The following GABRA3 variants were observed in gnomAD, a reference collection of about 807,000 sequenced individuals.
GABRA3 encodes the protein gamma-aminobutyric acid type A receptor subunit alpha3.
GABRA3 carries 10 observed loss-of-function variants against 30.1 expected under a neutral mutation model. That is an observed-to-expected ratio of 0.33 (90% CI 0.20 to 0.56). The LOEUF (loss-of-function observed/expected upper bound fraction) is 0.56, where lower values mean the gene tolerates loss of function less well. GABRA3 is among the 20% of genes least tolerant of loss of function. The pLI is 0.89. For missense variants in GABRA3, 233 were observed against 392.0 expected, an observed-to-expected ratio of 0.59 and a Z score of 3.42; for synonymous variants, 151 against 146.8, an observed-to-expected ratio of 1.03 and a Z score of -0.21.
At chrX:152,380,933 A>G (rs1929126202) in intron 1 of GABRA3, among the ~76,000 whole-genome samples, 1 of 111,827 alleles carries the variant, frequency 8.9e-6, no homozygotes, top group Admixed American at 9.5e-5. Flanking sequence ...CAGATCCCTC[A>G]TTAATGACTT....
chrX:152,216,389 A>AACACACAC (rs60255687), intron 6 of GABRA3, among the ~76,000 whole-genome samples: 38 of 77,618 alleles, frequency 4.9e-4, no homozygotes, highest in South Asian at 8.0e-4. Flanking sequence ...ATAATATATA[A>AACACACAC]ACACACACAC....
intron 1 of GABRA3, among the ~76,000 whole-genome samples, chrX:152,448,127 A>G (rs1321226217): frequency 8.9e-6 from 1 of 112,248 alleles, no homozygotes; most frequent in Non-Finnish European, 1.9e-5. Context: ...AAATGACAAC[A>G]AACATTTTCC....
intron 3 of GABRA3, among the ~76,000 whole-genome samples, chrX:152,334,231 T>A (rs139946642): frequency 0.011 from 1,282 of 111,694 alleles, 14 homozygotes; most frequent in Non-Finnish European, 0.019. Context: ...ATAAATTTCA[T>A]CTAGGAAAAA....
chrX:152,199,780 C>T (rs759124787), intron 7 of GABRA3, among the ~76,000 whole-genome samples: 2 of 110,507 alleles, frequency 1.8e-5, no homozygotes, highest in African/African-American at 3.3e-5. Flanking sequence ...TCAACCCCAC[C>T]GTGTTCTGTT....
At chrX:152,220,237 G>A (rs1362041923) in intron 6 of GABRA3, among the ~76,000 whole-genome samples, 2 of 111,112 alleles carry the variant, frequency 1.8e-5, no homozygotes, top group Non-Finnish European at 3.8e-5. Context: ...TACAACCAAC[G>A]GCAATGATGG....
intron 2 of GABRA3, among the ~76,000 whole-genome samples, chrX:152,357,515 C>A (rs1940568784): frequency 9.0e-6 from 1 of 111,396 alleles, no homozygotes; most frequent in Non-Finnish European, 1.9e-5. Context: ...CTTATAGATG[C>A]TGGATATTAG....
chrX:152,335,081 C>T (rs965171790), intron 3 of GABRA3, among the ~76,000 whole-genome samples: 5 of 111,388 alleles, frequency 4.5e-5, no homozygotes, highest in East Asian at 2.8e-4. Context: ...ACTTACGGCA[C>T]GGAGACTCTA....
At chrX:152,243,679 C>T (rs1938418748) in intron 5 of GABRA3, among the ~76,000 whole-genome samples, 2 of 111,633 alleles carry the variant, frequency 1.8e-5, no homozygotes, top group South Asian at 7.5e-4. Context: ...AGAAGTCTAA[C>T]GACTGAGATT....
chrX:152,174,239 C>A (rs1334761399), intron 9 of GABRA3, among the ~76,000 whole-genome samples: 1 of 110,736 alleles, frequency 9.0e-6, no homozygotes, highest in Non-Finnish European at 1.9e-5. Context: ...TGAATAGTGC[C>A]GCAATAAACA....
intron 5 of GABRA3, among the ~76,000 whole-genome samples, chrX:152,237,681 G>T (rs1303536000): frequency 1.9e-5 from 2 of 106,167 alleles, no homozygotes; most frequent in African/African-American, 7.1e-5. Context: ...GCAGTGGTTT[G>T]TGGTTCTCCT....
At chrX:152,210,301 G>A (rs1299450931) in intron 6 of GABRA3, among the ~76,000 whole-genome samples, 8 of 111,657 alleles carry the variant, frequency 7.2e-5, no homozygotes, top group African/African-American at 2.6e-4. Context: ...CTCCCATCTT[G>A]TTTAAAATAT....
chrX:152,360,959 C>T (rs1380741108), intron 2 of GABRA3, among the ~76,000 whole-genome samples: 1 of 106,641 alleles, frequency 9.4e-6, no homozygotes, highest in Non-Finnish European at 1.9e-5. Flanking sequence ...CCTGTAGTCC[C>T]AGCTACTCAG....
At chrX:152,268,854 G>A (rs1433379947) in intron 4 of GABRA3, among the ~76,000 whole-genome samples, 1 of 112,044 alleles carries the variant, frequency 8.9e-6, no homozygotes, top group Non-Finnish European at 1.9e-5. Flanking sequence ...GCAGGCATGA[G>A]CCACTGTGCC....
chrX:152,178,379 T>C (rs971271310), intron 9 of GABRA3, among the ~76,000 whole-genome samples: 5 of 111,191 alleles, frequency 4.5e-5, no homozygotes, highest in Non-Finnish European at 9.4e-5. Flanking sequence ...TTAACCCATA[T>C]TGAATGTTAC....
At chrX:152,207,087 G>GAA (rs1937556339) in intron 7 of GABRA3, among the ~76,000 whole-genome samples, 3 of 111,475 alleles carry the variant, frequency 2.7e-5, no homozygotes, top group Non-Finnish European at 5.6e-5. Flanking sequence ...TTCAAATGTT[G>GAA]ATTTTTTTAG....
intron 5 of GABRA3, among the ~76,000 whole-genome samples, chrX:152,241,495 G>GAGGC (rs1217019224): frequency 9.3e-6 from 1 of 107,308 alleles, no homozygotes; most frequent in Non-Finnish European, 2.0e-5. Flanking sequence ...GGAGCCTACA[G>GAGGC]AGGCAGGCAG....
intron 3 of GABRA3, among the ~76,000 whole-genome samples, chrX:152,291,911 G>A (rs758607451): frequency 1.8e-5 from 2 of 111,732 alleles, no homozygotes; most frequent in Non-Finnish European, 1.9e-5. Context: ...TGCTGGATTC[G>A]ATTTGCCAGT....
At chrX:152,325,709 A>G (rs1401383649) in intron 3 of GABRA3, among the ~76,000 whole-genome samples, 2 of 111,981 alleles carry the variant, frequency 1.8e-5, no homozygotes, top group African/African-American at 6.5e-5. Context: ...CACCATCATC[A>G]AAGACCAACG....
intron 2 of GABRA3, among the ~76,000 whole-genome samples, chrX:152,361,571 C>CAAAAAA (rs35341591): frequency 2.9e-5 from 1 of 34,977 alleles, no homozygotes. Context: ...GACTCCATCT[C>CAAAAAA]AAAAAAAAAA....
Sources: gnomAD v4.1 joint callset for allele counts (sites outside exome capture counted in the v4.1 genomes callset) on GRCh38, gnomAD v4.1.1 for gene constraint, MANE v1.5 for transcripts, NCBI Gene and HGNC (gene_info 2026-07-23, HGNC 2026-07-21) for gene names.